Variants in COL22A1 observed in about 807,000 individuals in gnomAD.
COL22A1 encodes collagen type XXII alpha 1 chain.
In COL22A1, 221 loss-of-function variants were observed where a neutral mutation model predicts 248.9. The ratio of observed to expected loss-of-function variants is 0.89; its 90% CI spans 0.80 to 0.99. The LOEUF is 0.99. Ranked by LOEUF, COL22A1 falls within the 50% of genes least tolerant of loss-of-function variation. The probability of loss-of-function intolerance (pLI) is 0.00; values close to 1 mark genes in which losing one functional copy is unlikely to be tolerated. For synonymous variants in COL22A1, 891 were observed against 793.4 expected, an observed-to-expected ratio of 1.12 and a Z score of -2.07; for missense variants, 2,240 against 2,179.0, an observed-to-expected ratio of 1.03 and a Z score of -0.56.
chr8:138,643,163 T>C (rs1330153167), intron 47 of COL22A1, among the ~76,000 whole-genome samples: 1 of 151,924 alleles, frequency 6.6e-6, no homozygotes, highest in Non-Finnish European at 1.5e-5. Flanking sequence ...CAGCTGGTGA[T>C]CCCAGAAAGA....
chr8:138,603,599 A>G (rs1439193430), intron 59 of COL22A1, among the ~76,000 whole-genome samples: 1 of 152,150 alleles, frequency 6.6e-6, no homozygotes, highest in Non-Finnish European at 1.5e-5. Context: ...GCCCAAGTAC[A>G]AGCACATGGG....
chr8:138,629,752 C>T (rs1478958590), intron 50 of COL22A1, among the ~76,000 whole-genome samples: 1 of 148,614 alleles, frequency 6.7e-6, no homozygotes, highest in Non-Finnish European at 1.5e-5. Flanking sequence ...CCTCCTTTGA[C>T]ATGGACGAAG....
intron 57 of COL22A1, among the ~76,000 whole-genome samples, chr8:138,606,682 G>A (rs1818451885): frequency 6.6e-6 from 1 of 152,094 alleles, no homozygotes; most frequent in Admixed American, 6.5e-5. Flanking sequence ...ACAGCCAAGG[G>A]TCTTTCCATT....
intron 5 of COL22A1, among the ~76,000 whole-genome samples, chr8:138,831,650 C>T (rs1820054102): frequency 6.6e-6 from 1 of 152,020 alleles, no homozygotes; most frequent in African/African-American, 2.4e-5. Flanking sequence ...AGGAGGATGC[C>T]TGGGAGGACC....
chr8:138,676,257 G>C (rs547842781), intron 41 of COL22A1, among the ~76,000 whole-genome samples: 1 of 150,736 alleles, frequency 6.6e-6, no homozygotes, highest in Admixed American at 6.7e-5. Context: ...TTAGCCAGGC[G>C]TGGTGGCAGG....
chr8:138,816,910 C>G (rs1818726942), intron 7 of COL22A1, among the ~76,000 whole-genome samples: 1 of 152,104 alleles, frequency 6.6e-6, no homozygotes, highest in Admixed American at 6.5e-5. Flanking sequence ...GGTGTAATAC[C>G]CCCATGGACA....
At chr8:138,779,402 G>T in intron 14 of COL22A1, 107 bp downstream of exon 14, 1 of 711,246 alleles carries the variant, frequency 1.4e-6, no homozygotes, top group Non-Finnish European at 2.5e-6. Flanking sequence ...TGAGAAGAGG[G>T]GCAGGGAACC....
intron 4 of COL22A1, among the ~76,000 whole-genome samples, chr8:138,834,792 G>A (rs1820303884): frequency 6.6e-6 from 1 of 152,124 alleles, no homozygotes. Flanking sequence ...ATCCTCTAAT[G>A]CTAAATTCTG....
At chr8:138,745,823 A>C (rs188663002) in intron 22 of COL22A1, among the ~76,000 whole-genome samples, 4 of 152,292 alleles carry the variant, frequency 2.6e-5, no homozygotes, top group Admixed American at 1.3e-4. Flanking sequence ...TTCCGCCAAA[A>C]CATTCAGGAT....
chr8:138,812,892 C>G, intron 8 of COL22A1, 47 bp downstream of exon 8: 1 of 1,399,600 alleles, frequency 7.1e-7, no homozygotes, highest in Non-Finnish European at 1.0e-6. Flanking sequence ...CCTCTGGAGG[C>G]CACACACCCA....
Position 138,821,323 on chromosome 8 carries a change from C to G in COL22A1, c.1058G>C (p.Gly353Ala). 1 of 1,614,198 alleles carries G rather than the reference C, an allele frequency of 6.2e-7. No individual in the cohort carries two copies. Among genetic ancestry groups the G allele is most frequent in the Non-Finnish European group, 8.5e-7 (1 of 1,180,026 alleles). ...MKDAVRVVFR[G>A]SRVNDLFDRD... ...GTCAAAGAGGTCATTGACCCGAGAACCTCGGAAGACCACCCTGACAGCATC... is the reference window on the plus strand; with the variant it reads ...GTCAAAGAGGTCATTGACCCGAGAAGCTCGGAAGACCACCCTGACAGCATC... Residue 353 changes from glycine to alanine, a missense_variant, in exon 7 of 65, where the codon GGT (glycine) becomes GCT (alanine). By Grantham distance (60) the Gly-to-Ala change is moderately conservative. Transcript: ENST00000303045.
intron 22 of COL22A1, among the ~76,000 whole-genome samples, chr8:138,739,051 C>T (rs1245114838): frequency 1.3e-5 from 2 of 152,156 alleles, no homozygotes; most frequent in Non-Finnish European, 2.9e-5. Context: ...CAGTGCCTCC[C>T]TTAACACACT....
intron 23 of COL22A1, among the ~76,000 whole-genome samples, chr8:138,737,033 C>A (rs2131252793): frequency 6.6e-6 from 1 of 152,294 alleles, no homozygotes; most frequent in African/African-American, 2.4e-5. Context: ...CCTGCTGCTC[C>A]ATGCCCTGTG....
chr8:138,710,536 G>T (rs748151258), intron 30 of COL22A1, among the ~76,000 whole-genome samples: 1 of 151,730 alleles, frequency 6.6e-6, no homozygotes, highest in Non-Finnish European at 1.5e-5. Flanking sequence ...CCAGCTCCTG[G>T]TTTAAGTAGT....
intron 57 of COL22A1, among the ~76,000 whole-genome samples, chr8:138,607,074 G>A (rs1818482294): frequency 6.6e-6 from 1 of 152,146 alleles, no homozygotes; most frequent in Non-Finnish European, 1.5e-5. Flanking sequence ...CCAACAAGAG[G>A]AGGGTCTCCG....
intron 16 of COL22A1, among the ~76,000 whole-genome samples, chr8:138,771,744 C>G (rs1178223041): frequency 6.6e-6 from 1 of 152,190 alleles, no homozygotes; most frequent in Non-Finnish European, 1.5e-5. Context: ...ATCCACCTTC[C>G]AACGGCTTCA....
chr8:138,881,419 C>T (rs751074924), intron 2 of COL22A1, among the ~76,000 whole-genome samples: 9 of 151,980 alleles, frequency 5.9e-5, no homozygotes, highest in Non-Finnish European at 1.0e-4. Flanking sequence ...GGTGTGGTGG[C>T]TCATGCCTGT....
intron 47 of COL22A1, among the ~76,000 whole-genome samples, chr8:138,643,226 G>A (rs948385793): frequency 3.9e-5 from 6 of 152,150 alleles, no homozygotes; most frequent in African/African-American, 1.4e-4. Context: ...ACACTTTCCT[G>A]ATACCTTTCA....
Position 138,714,838 on chromosome 8 carries a change from C to T in COL22A1, c.2517+844G>A, listed in dbSNP as rs183151603. Among the ~76,000 whole-genome samples, 107 of 152,286 alleles carry T rather than the reference C, an allele frequency of 7.0e-4. 1 individual carries two copies. Among genetic ancestry groups the T allele is most frequent in the Non-Finnish European group, 9.1e-4 (62 of 68,036 alleles). ...CTCAGGCTGGCTCCAGGGTCAACCA[C>T]ACAAGCAATGACACGCTGGGCTCAT... is the stretch of plus-strand genomic sequence containing the variant. On this transcript the variant is annotated intron_variant, in intron 30 of 64. Transcript: ENST00000303045.
Sources: gnomAD v4.1 joint callset for allele counts (sites outside exome capture counted in the v4.1 genomes callset) on GRCh38, gnomAD v4.1.1 for gene constraint, MANE v1.5 for transcripts, NCBI Gene and HGNC (gene_info 2026-07-23, HGNC 2026-07-21) for gene names.